Variants in SDC2 observed in about 807,000 individuals in gnomAD.
The protein encoded by SDC2 is syndecan-2.
Under a neutral mutation model 22.2 loss-of-function variants are expected in SDC2, and 13 were observed. The ratio of observed to expected loss-of-function variants is 0.59; its 90% CI spans 0.38 to 0.93. The LOEUF (loss-of-function observed/expected upper bound fraction) is 0.93, where lower values mean the gene tolerates loss of function less well. SDC2 is among the 40% of genes least tolerant of loss of function. SDC2 has a pLI of 0.00. For missense variants in SDC2, 235 were observed against 246.8 expected (o/e 0.95, Z 0.32); for synonymous variants, 94 against 92.8 (o/e 1.01, Z -0.07).
At chr8:96,582,826 T>A (rs1403357643) in intron 1 of SDC2, among the ~76,000 whole-genome samples, 1 of 152,190 alleles carries the variant, frequency 6.6e-6, no homozygotes, top group Non-Finnish European at 1.5e-5. Context: ...GGAGCTTGTA[T>A]GCTGGGAAAC....
intron 1 of SDC2, among the ~76,000 whole-genome samples, chr8:96,571,899 G>A (rs867203470): frequency 9.8e-5 from 15 of 152,302 alleles, no homozygotes; most frequent in African/African-American, 3.4e-4. Flanking sequence ...TGAAGTCACT[G>A]GGAGCATTTA....
intron 1 of SDC2, among the ~76,000 whole-genome samples, chr8:96,582,898 G>A (rs1215198223): frequency 6.6e-6 from 1 of 152,122 alleles, no homozygotes; most frequent in African/African-American, 2.4e-5. Flanking sequence ...GGAGCAAGGA[G>A]GCGCTAACAA....
intron 1 of SDC2, among the ~76,000 whole-genome samples, chr8:96,541,780 A>G (rs932484526): frequency 5.9e-5 from 9 of 152,226 alleles, no homozygotes; most frequent in Admixed American, 2.6e-4. Flanking sequence ...TGTGGTGATG[A>G]TTGCAGAACA....
chr8:96,583,811 T>C (rs1814637027), intron 1 of SDC2, among the ~76,000 whole-genome samples: 1 of 152,094 alleles, frequency 6.6e-6, no homozygotes, highest in South Asian at 2.1e-4. Context: ...CAAACACTTT[T>C]ACTTATTACT....
At chr8:96,597,409 G>A (rs561674351) in intron 2 of SDC2, among the ~76,000 whole-genome samples, 16 of 152,172 alleles carry the variant, frequency 1.1e-4, no homozygotes, top group Non-Finnish European at 2.1e-4. Flanking sequence ...CAGTCGAGGG[G>A]ATGTTGCCTA....
At chr8:96,494,366 T>C in intron 1 of SDC2, 35 bp downstream of exon 1, 2 of 1,533,418 alleles carry the variant, frequency 1.3e-6, no homozygotes. Context: ...GCGCGCCGTT[T>C]AGGGTGTTTG....
chr8:96,585,443 A>G (rs1232571415), intron 1 of SDC2, among the ~76,000 whole-genome samples: 2 of 152,204 alleles, frequency 1.3e-5, no homozygotes, highest in Non-Finnish European at 2.9e-5. Context: ...TGCCAGTGAT[A>G]CGATGACTGG....
intron 2 of SDC2, among the ~76,000 whole-genome samples, chr8:96,597,634 C>A (rs1202945801): frequency 6.6e-6 from 1 of 152,164 alleles, no homozygotes; most frequent in Non-Finnish European, 1.5e-5. Flanking sequence ...AAAGCAGATG[C>A]TCGAACAATG....
At position 96,544,328 on chromosome 8, in the gene SDC2, C is replaced by A. The variant is rs949813869; in HGVS notation, c.61-49152C>A. 3.3e-5 allele frequency among the ~76,000 whole-genome samples: 5 copies of A among 152,248 alleles called. No homozygotes were observed. The South Asian group carries it at 1.0e-3, about 32-fold the overall frequency. On this transcript the variant is annotated intron_variant, in intron 1 of 4. Coordinates refer to ENST00000302190, the MANE Select transcript of SDC2 (RefSeq NM_002998.4). Reference sequence around the variant, plus strand: ...TCAAACATCCTTTTGACAACTCTGCCTCAGTTGCCGTCTCAGTACATTTGT... The same window carrying A: ...TCAAACATCCTTTTGACAACTCTGCATCAGTTGCCGTCTCAGTACATTTGT...
intron 1 of SDC2, among the ~76,000 whole-genome samples, chr8:96,560,543 G>T (rs1317072099): frequency 4.6e-5 from 7 of 152,142 alleles, no homozygotes; most frequent in Non-Finnish European, 1.0e-4. Flanking sequence ...GGATAGGAAA[G>T]GATGGAGTTT....
chr8:96,556,280 A>T (rs1374244584), intron 1 of SDC2, among the ~76,000 whole-genome samples: 1 of 152,058 alleles, frequency 6.6e-6, no homozygotes, highest in African/African-American at 2.4e-5. Flanking sequence ...GAAACAAATT[A>T]TTCCTCCTCT....
intron 4 of SDC2, among the ~76,000 whole-genome samples, 156 bp from the exon 5 acceptor site, chr8:96,609,229 A>G (rs1266644295): frequency 2.6e-5 from 4 of 152,182 alleles, no homozygotes; most frequent in African/African-American, 9.7e-5. Flanking sequence ...AGATTTGCAT[A>G]GTTACCAGGT....
Position 96,611,789 on chromosome 8 carries a change from C to T in SDC2, c.*2241C>T, listed in dbSNP as rs926686110. On this transcript the variant is annotated 3_prime_UTR_variant, in exon 5 of 5. Transcript: ENST00000302190. ...AAAAGTAAATCATTGTATAGACTGA[C>T]ATCCAGTTTTCTTCAACTGTACACT... is the stretch of plus-strand genomic sequence containing the variant. 1.3e-5 allele frequency: 2 copies of T among 151,722 alleles called. No homozygotes were observed. The highest frequency in any genetic ancestry group is 2.9e-5 in the Non-Finnish European group (2 of 67,888). 9.4% of individuals were successfully genotyped at this position (151,722 alleles called of 1,614,324 possible). A position where few individuals can be genotyped will look rare whatever the true frequency, so the allele number is the denominator to read the frequency against.
chr8:96,567,373 A>G (rs760787950), intron 1 of SDC2, among the ~76,000 whole-genome samples: 18 of 152,216 alleles, frequency 1.2e-4, no homozygotes, highest in Non-Finnish European at 1.8e-4. Flanking sequence ...TTGAATTTCA[A>G]TAGCTTTAGG....
intron 1 of SDC2, chr8:96,580,335 G>T: frequency 1.0e-6 from 1 of 968,000 alleles, no homozygotes; most frequent in Non-Finnish European, 1.2e-6. Flanking sequence ...AGCAGGAAGG[G>T]AGAGTCAGAG....
rs933675994 is a variant in SDC2, at chr8:96,609,639, T to C, written c.*91T>C. ...ATAATGAAGATCTTTGTTTTTTGTTTTCATTAAAGAGCCATTCTGGCACTT... is the reference window on the plus strand; with the variant it reads ...ATAATGAAGATCTTTGTTTTTTGTTCTCATTAAAGAGCCATTCTGGCACTT... On this transcript the variant is annotated 3_prime_UTR_variant, in exon 5 of 5. Coordinates refer to ENST00000302190, the MANE Select transcript of SDC2 (RefSeq NM_002998.4). The C allele has an allele frequency of 4.5e-6, 4 of 897,156 alleles. No homozygotes were observed. The East Asian group carries it at 8.9e-5, about 20-fold the overall frequency. The allele number at this position is 897,156 out of a possible 1,614,324, so 55.6% of individuals were successfully genotyped here. A position where few individuals can be genotyped will look rare whatever the true frequency, so the allele number is the denominator to read the frequency against.
intron 1 of SDC2, among the ~76,000 whole-genome samples, chr8:96,592,540 A>G (rs1288625619): frequency 2.0e-5 from 3 of 152,174 alleles, no homozygotes; most frequent in Non-Finnish European, 4.4e-5. Context: ...AGATAATGGT[A>G]GTAAAATATC....
chr8:96,587,096 G>T (rs1007686402), intron 1 of SDC2, among the ~76,000 whole-genome samples: 1 of 152,066 alleles, frequency 6.6e-6, no homozygotes, highest in Non-Finnish European at 1.5e-5. Context: ...CTAATTTTTT[G>T]TATTTTTAGT....
rs912837045 is a variant in SDC2, at chr8:96,532,045, C to A, written c.60+37714C>A. The stretch of plus-strand genomic sequence containing the variant: ...GTTGACCTTGGAGAAGTTCTATAAT[C>A]TCTTTTTTTGCCTCTGTTTTTTCAT... On this transcript the variant is annotated intron_variant, in intron 1 of 4. Coordinates refer to ENST00000302190, the MANE Select transcript of SDC2 (RefSeq NM_002998.4). Among the ~76,000 whole-genome samples the A allele has an allele frequency of 5.3e-5, 8 of 152,280 alleles. No homozygotes were observed. The South Asian group carries it at 1.7e-3, about 32-fold the overall frequency.
Sources: gnomAD v4.1 joint callset for allele counts (sites outside exome capture counted in the v4.1 genomes callset) on GRCh38, gnomAD v4.1.1 for gene constraint, MANE v1.5 for transcripts, NCBI Gene and HGNC (gene_info 2026-07-23, HGNC 2026-07-21) for gene names.